The following SLIT1 variants were observed in gnomAD, a reference collection of about 807,000 sequenced individuals.
SLIT1 encodes slit homolog 1 protein.
A neutral mutation model predicts 186.1 loss-of-function variants in SLIT1; 66 were observed. The observed-to-expected ratio is 0.35, with a 90% confidence interval of 0.29 to 0.44. SLIT1 has a LOEUF of 0.44. Ranked by LOEUF, SLIT1 falls within the 20% of genes least tolerant of loss-of-function variation. The probability of loss-of-function intolerance (pLI) is 1.00; values close to 1 mark genes in which losing one functional copy is unlikely to be tolerated. For missense variants in SLIT1, 1,638 were observed against 2,037.4 expected, an observed-to-expected ratio of 0.80 and a Z score of 3.77; for synonymous variants, 761 against 833.8, an observed-to-expected ratio of 0.91 and a Z score of 1.50.
chr10:97,009,860 G>A (rs1419086503), intron 31 of SLIT1, among the ~76,000 whole-genome samples: 1 of 152,160 alleles, frequency 6.6e-6, no homozygotes, highest in East Asian at 1.9e-4. Context: ...ATTTTTAAAT[G>A]GCTAATAAGC....
chr10:97,148,289 CT>C (rs34334845), intron 4 of SLIT1, among the ~76,000 whole-genome samples: 18,256 of 144,680 alleles, frequency 0.13, 1,131 homozygotes, highest in Middle Eastern at 0.19. Flanking sequence ...TAGTACTAAG[CT>C]TTTTTTTTTT....
intron 12 of SLIT1, 138 bp from the exon 13 acceptor site, chr10:97,056,602 C>A: frequency 1.1e-6 from 1 of 875,938 alleles, no homozygotes; most frequent in Non-Finnish European, 1.8e-6. Context: ...GGAATCTGCC[C>A]TCTGGATGTC....
At chr10:97,026,191 C>T (rs963780882) in intron 25 of SLIT1, among the ~76,000 whole-genome samples, 73 of 152,264 alleles carry the variant, frequency 4.8e-4, no homozygotes, top group African/African-American at 1.6e-3. Flanking sequence ...TGGCCGGGCA[C>T]GGTGGCTTAT....
intron 4 of SLIT1, among the ~76,000 whole-genome samples, chr10:97,135,224 C>G (rs528235097): frequency 1.3e-4 from 20 of 152,286 alleles, no homozygotes; most frequent in African/African-American, 4.8e-4. Context: ...GGTGCATGCT[C>G]CCTTCCCCAT....
chr10:97,177,509 A>G (rs1413163662), intron 1 of SLIT1, among the ~76,000 whole-genome samples: 1 of 152,172 alleles, frequency 6.6e-6, no homozygotes, highest in Non-Finnish European at 1.5e-5. Context: ...ACAAATTACC[A>G]TATGCTAGTG....
intron 4 of SLIT1, among the ~76,000 whole-genome samples, chr10:97,080,064 T>C (rs2134653319): frequency 6.6e-6 from 1 of 151,880 alleles, no homozygotes; most frequent in Middle Eastern, 3.4e-3. Flanking sequence ...AAGACAGAAA[T>C]AGGTAGAAAT....
chr10:97,006,675 G>A lies in SLIT1; in HGVS notation c.3387C>T (p.Ser1129=). 2 of 1,614,130 alleles carry A rather than the reference G, an allele frequency of 1.2e-6. No homozygotes were observed. The highest frequency in any genetic ancestry group is 1.7e-6 in the Non-Finnish European group (2 of 1,180,008). Residue 1129 remains serine (S), a synonymous_variant, in exon 32 of 37, where the codon AGC becomes AGT. Transcript: ENST00000266058. This position sits in a 1 kb window ranked among gnomAD's most constrained non-coding sequence, Gnocchi z 4.0. ...EIPPHLPAPK[S]PCEGTECQNG... ...TCTGGCACTCAGTCCCCTCACAGGG[G>A]CTCTTGGGGGCAGGCAGATGGGGAG...
At chr10:97,089,238 GA>G (rs1392504210) in intron 4 of SLIT1, among the ~76,000 whole-genome samples, 1 of 151,764 alleles carries the variant, frequency 6.6e-6, no homozygotes, top group African/African-American at 2.4e-5. Context: ...AGTGAAAGAA[GA>G]AAAAAAAGAC....
At chr10:97,037,889 C>A in intron 21 of SLIT1, 123 bp from the exon 22 acceptor site, 1 of 686,468 alleles carries the variant, frequency 1.5e-6, no homozygotes, top group Non-Finnish European at 2.5e-6. Context: ...ATAGGCCACA[C>A]GATGGGCCCA....
Position 97,032,556 on chromosome 10 carries a change from G to A in SLIT1, c.2439-879C>T, listed in dbSNP as rs370508025. On this transcript the variant is annotated intron_variant, in intron 23 of 36. Transcript: ENST00000266058. ...TGCACTCCAGCCTGGGCGACAGAGCGAGACTCCCCATCTCAAAAAAAAAAA... is the reference window on the plus strand; with the variant it reads ...TGCACTCCAGCCTGGGCGACAGAGCAAGACTCCCCATCTCAAAAAAAAAAA... 2.4e-4 allele frequency among the ~76,000 whole-genome samples: 36 copies of A among 149,452 alleles called. No individual in the cohort carries two copies. The East Asian group carries it at 3.7e-3, about 15-fold the overall frequency.
At chr10:97,159,138 T>C (rs1476963821) in intron 3 of SLIT1, among the ~76,000 whole-genome samples, 1 of 152,120 alleles carries the variant, frequency 6.6e-6, no homozygotes, top group Non-Finnish European at 1.5e-5. Context: ...TGATAAACCA[T>C]CTCAGCCAAA....
At chr10:97,036,828 C>T (rs1451299485) in intron 22 of SLIT1, among the ~76,000 whole-genome samples, 1 of 152,240 alleles carries the variant, frequency 6.6e-6, no homozygotes, top group East Asian at 1.9e-4. Flanking sequence ...AACTTATTAT[C>T]CTGAGGCTTA....
intron 34 of SLIT1, among the ~76,000 whole-genome samples, chr10:97,003,749 C>A (rs1446326610): frequency 2.0e-5 from 3 of 152,200 alleles, no homozygotes; most frequent in African/African-American, 7.2e-5. Flanking sequence ...GGGAATGGAC[C>A]TGAAGCCATT....
intron 25 of SLIT1, among the ~76,000 whole-genome samples, chr10:97,028,751 T>C (rs1361937223): frequency 1.3e-5 from 2 of 152,212 alleles, no homozygotes; most frequent in South Asian, 2.1e-4. Flanking sequence ...TCTTCAGCAC[T>C]AGAGTCACTC....
chr10:97,002,414 A>AGCCCCACCTGACACAGCCC lies in SLIT1; in HGVS notation c.4155-64_4155-46dup, dbSNP rs553263283. On this transcript the variant is annotated intron_variant, in intron 35 of 36. Coordinates refer to ENST00000266058, the MANE Select transcript of SLIT1 (RefSeq NM_003061.3). Reference sequence around the variant, plus strand: ...GGCGCTGTGAGGACAAACCCAGCCAAGCCCCACCTGACACAGCCCGCCCCA... The same window carrying AGCCCCACCTGACACAGCCC: ...GGCGCTGTGAGGACAAACCCAGCCAAGCCCCACCTGACACAGCCCGCCCCACCTGACACAGCCCGCCCCA... The AGCCCCACCTGACACAGCCC allele has an allele frequency of 3.3e-4, 489 of 1,463,888 alleles. 6 individuals carry two copies. In the African/African-American group the frequency reaches 4.7e-3, roughly 14 times the overall value. 90.7% of individuals were successfully genotyped at this position (1,463,888 alleles called of 1,614,324 possible). A position where few individuals can be genotyped will look rare whatever the true frequency, so the allele number is the denominator to read the frequency against.
Position 97,010,990 on chromosome 10 carries a change from C to T in SLIT1, c.3341+3G>A. 6.2e-7 allele frequency: 1 copy of T among 1,613,780 alleles called. No homozygotes were observed. Among genetic ancestry groups the T allele is most frequent in the Non-Finnish European group, 8.5e-7 (1 of 1,179,752 alleles). ...ACTCCTAGTGTGTCCAGGGGCTGCT[C>T]ACCTGTAGCCCTCAGCACAGAGGCA... is the stretch of plus-strand genomic sequence containing the variant. On this transcript the variant is annotated splice_donor_region_variant and intron_variant, in intron 31 of 36. Transcript: ENST00000266058. The surrounding 1 kb of genome is among the most constrained non-coding windows in gnomAD (Gnocchi z 4.8).
intron 4 of SLIT1, among the ~76,000 whole-genome samples, chr10:97,105,595 T>A (rs1849405698): frequency 6.6e-6 from 1 of 152,196 alleles, no homozygotes; most frequent in Non-Finnish European, 1.5e-5. Flanking sequence ...CACACATGAT[T>A]TTCTGAAGCG....
At chr10:97,034,661 G>A (rs2134613362) in intron 22 of SLIT1, 119 bp from the exon 23 acceptor site, 1 of 842,616 alleles carries the variant, frequency 1.2e-6, no homozygotes, top group Non-Finnish European at 2.0e-6. Context: ...GTTGGCCAGG[G>A]GTGGAGAGGA....
chr10:97,060,596 T>C lies in SLIT1; in HGVS notation c.941+44A>G, dbSNP rs770523768. 2.5e-6 allele frequency: 4 copies of C among 1,609,532 alleles called. No individual in the cohort carries two copies. In the Admixed American group the frequency reaches 6.7e-5, roughly 27 times the overall value. On this transcript the variant is annotated intron_variant, in intron 9 of 36. Coordinates refer to ENST00000266058, the MANE Select transcript of SLIT1 (RefSeq NM_003061.3). ...TTCACTGGCCCTCCAGAGCCAGGCC[T>C]GCCAAAGGGCTGTGCCCCAGCATCT...
Sources: gnomAD v4.1 joint callset for allele counts (sites outside exome capture counted in the v4.1 genomes callset) on GRCh38, gnomAD v4.1.1 for gene constraint, Gnocchi (gnomAD v3.1) non-coding constraint, MANE v1.5 for transcripts, NCBI Gene and HGNC (gene_info 2026-07-23, HGNC 2026-07-21) for gene names.